The following MUC6 variants were observed in gnomAD, a reference collection of about 807,000 sequenced individuals.
MUC6 encodes the protein mucin-6.
In MUC6, 188 loss-of-function variants were observed where a neutral mutation model predicts 201.5. The ratio of observed to expected loss-of-function variants is 0.93; its 90% CI spans 0.83 to 1.05. MUC6 has a LOEUF of 1.05. MUC6 is among the 50% of genes least tolerant of loss of function. MUC6 has a pLI of 0.00. For synonymous variants in MUC6, 1,228 were observed against 1,389.4 expected, an observed-to-expected ratio of 0.88 and a Z score of 2.58; for missense variants, 2,706 against 3,256.9, an observed-to-expected ratio of 0.83 and a Z score of 4.12.
At chr11:1,032,400 T>A (rs536918171) in intron 2 of MUC6, among the ~76,000 whole-genome samples, 1 of 151,620 alleles carries the variant, frequency 6.6e-6, no homozygotes, top group Non-Finnish European at 1.5e-5. Context: ...TGTAGGCGTG[T>A]GAGATATACA....
rs769262681 is a variant in MUC6 at position 1,023,960 on chromosome 11, G to C, written c.3369C>G (p.Thr1123=). 1 of 1,612,518 alleles carries C rather than the reference G, an allele frequency of 6.2e-7. No homozygotes were observed. The highest frequency in any genetic ancestry group is 2.2e-5 in the East Asian group (1 of 44,874). Residue 1123 remains threonine (T), a synonymous_variant, in exon 25 of 33, where the codon ACC becomes ACG. Coordinates refer to ENST00000421673, the MANE Select transcript of MUC6 (RefSeq NM_005961.3). The stretch of plus-strand genomic sequence containing the variant: ...GTGGTCACTCACGGCAGAAGGCCGG[G>C]GTCCTCCAGTCCACGCACACACCCT... ...LDKGVCVDWR[T]PAFCPIYCGF...
chr11:1,030,231 C>T lies in MUC6; in HGVS notation c.997G>A (p.Gly333Arg), dbSNP rs370422325. The T allele has an allele frequency of 4.9e-5, 76 of 1,551,806 alleles. No individual in the cohort carries two copies. The highest frequency in any genetic ancestry group is 6.5e-5 in the Non-Finnish European group (75 of 1,148,366). The change falls in exon 8 of 33, where the codon GGG becomes AGG. Residue 333 changes from glycine (G) to arginine (R), a missense_variant. Transcript: ENST00000421673. ...CCCTCACCTTCCGGGCAGAAGCACCCGAAGGTGCAGGAGCTGGAGCAGCTG... is the reference window on the plus strand; with the variant it reads ...CCCTCACCTTCCGGGCAGAAGCACCTGAAGGTGCAGGAGCTGGAGCAGCTG... The part of the protein sequence containing the change: ...QHSCSSSCTF[G>R]CFCPEGTVLN...
chr11:1,020,446 A>T (rs1308620364), intron 28 of MUC6, among the ~76,000 whole-genome samples, 189 bp from the exon 29 acceptor site: 2 of 152,082 alleles, frequency 1.3e-5, no homozygotes, highest in Non-Finnish European at 2.9e-5. Flanking sequence ...GGCGGGGGTC[A>T]CCTGTTGAGG....
Position 1,027,530 on chromosome 11 carries a change from CG to C in MUC6, c.1982-14del, listed in dbSNP as rs756956800. 1.9e-6 allele frequency: 3 copies of C among 1,611,400 alleles called. No individual in the cohort carries two copies. Among genetic ancestry groups the C allele is most frequent in the Non-Finnish European group, 2.5e-6 (3 of 1,179,174 alleles). ...GTGCAGGGGATGGCTGTGGGGGACCCGGGCATCAGACTCTCCGGGAGGGGGC... is the reference window on the plus strand; with the variant it reads ...GTGCAGGGGATGGCTGTGGGGGACCCGGCATCAGACTCTCCGGGAGGGGGC... On this transcript the variant is annotated splice_polypyrimidine_tract_variant and intron_variant, in intron 16 of 32. Transcript: ENST00000421673.
intron 26 of MUC6, among the ~76,000 whole-genome samples, chr11:1,022,748 T>G (rs879305112): frequency 1.2e-4 from 18 of 152,220 alleles, no homozygotes; most frequent in Admixed American, 1.2e-3. Flanking sequence ...GCTGAGTGAC[T>G]GTGTGTGTGA....
chr11:1,031,259 C>T lies in MUC6; in HGVS notation c.484G>A (p.Val162Ile), dbSNP rs1225135019. The change falls in exon 5 of 33, where the codon GTT becomes ATT. Residue 162 changes from valine to isoleucine, a missense_variant and splice_region_variant. By Grantham distance (29) the Val-to-Ile change is conservative (BLOSUM62 3). Coordinates refer to ENST00000421673, the MANE Select transcript of MUC6 (RefSeq NM_005961.3). ...VVWGPDSHLM[V>I]LVERKYMGQM... Reference sequence around the variant, plus strand: ...CCCATGTACTTCCGCTCCACCAGAACCTGCGGGAGACGGCTCTGCTGGGGG... The same window carrying T: ...CCCATGTACTTCCGCTCCACCAGAATCTGCGGGAGACGGCTCTGCTGGGGG... 6.4e-7 allele frequency: 1 copy of T among 1,565,182 alleles called. No individual in the cohort carries two copies. The highest frequency in any genetic ancestry group is 1.9e-5 in the Admixed American group (1 of 53,964).
intron 2 of MUC6, among the ~76,000 whole-genome samples, chr11:1,032,426 GGTGT>G (rs936879921): frequency 2.6e-5 from 4 of 152,022 alleles, no homozygotes; most frequent in Non-Finnish European, 4.4e-5. Flanking sequence ...ATGTGTGTTG[GGTGT>G]GTGTGATTGT....
Position 1,015,743 on chromosome 11 carries a change from CCA to C in MUC6, c.7039+17_7039+18del. The C allele has an allele frequency of 6.6e-7, 1 of 1,525,630 alleles. No individual in the cohort carries two copies. The highest frequency in any genetic ancestry group is 8.8e-7 in the Non-Finnish European group (1 of 1,136,024). 94.5% of individuals were successfully genotyped at this position (1,525,630 alleles called of 1,614,324 possible). A position where few individuals can be genotyped will look rare whatever the true frequency, so the allele number is the denominator to read the frequency against. On this transcript the variant is annotated intron_variant, in intron 31 of 32. Transcript: ENST00000421673. ...CACAGAGGTGAGGCCAGGAGAAGGG[CCA>C]CAGAGATGCCACTTACCGGGTGAGG...
intron 2 of MUC6, among the ~76,000 whole-genome samples, chr11:1,032,290 T>A (rs1857124694): frequency 6.6e-6 from 1 of 152,092 alleles, no homozygotes; most frequent in African/African-American, 2.4e-5. Flanking sequence ...GTGTGTTGTG[T>A]GTGTGCACGT....
At chr11:1,034,548 T>C (rs114246544) in intron 1 of MUC6, among the ~76,000 whole-genome samples, 6,461 of 152,058 alleles carry the variant, frequency 0.042, 453 homozygotes, top group African/African-American at 0.15. Flanking sequence ...GTTCCTGGGA[T>C]GGGGCCCTCG....
At position 1,036,606 on chromosome 11, in the gene MUC6, G is replaced by T; in HGVS notation, c.50C>A (p.Ala17Asp). The T allele has an allele frequency of 1.3e-6, 2 of 1,548,928 alleles. No individual in the cohort carries two copies. Among genetic ancestry groups the T allele is most frequent in the South Asian group, 1.2e-5 (1 of 83,996 alleles). The change falls in exon 1 of 33, where the codon GCT (alanine) becomes GAT (aspartate). Residue 17 changes from alanine (A) to aspartate (D), a missense_variant and splice_region_variant. By Grantham distance (126) the Ala-to-Asp change is moderately radical (BLOSUM62 -2). Transcript: ENST00000421673. The stretch of plus-strand genomic sequence containing the variant: ...TGGCGCCCCTCGACCTCACTCACCA[G>T]CGCTGAGCAGGGCTCCGCAGCAGGA... ...LLSCCGALLS[A>D]GLANTSYTSP...
rs772696328 is a variant in MUC6, at chr11:1,016,350, AG to A, written c.6450del (p.Ser2151LeufsTer25). On this transcript the variant is annotated frameshift_variant, in exon 31 of 33. Transcript: ENST00000421673. LOFTEE classifies it high-confidence loss of function. ...TVSSYVPSSH[S>X]SPQTSSPSVG... is the part of the protein sequence containing the mutation. ...ACAGAAGGCGATGAAGTCTGGGGAGAGGAGTGGGAGGAGGGCACATAAGAAG... is the reference window on the plus strand; with the variant it reads ...ACAGAAGGCGATGAAGTCTGGGGAGAGAGTGGGAGGAGGGCACATAAGAAG... 4 of 1,611,236 alleles carry A rather than the reference AG, an allele frequency of 2.5e-6. No homozygotes were observed. The African/African-American group carries it at 5.3e-5, about 22-fold the overall frequency.
Position 1,016,303 on chromosome 11 carries a change from C to T in MUC6, c.6498G>A (p.Val2166=). 6.2e-7 allele frequency: 1 copy of T among 1,611,502 alleles called. No homozygotes were observed. Among genetic ancestry groups the T allele is most frequent in the Non-Finnish European group, 8.5e-7 (1 of 1,179,046 alleles). Residue 2166 remains valine, a synonymous_variant, in exon 31 of 33, where the codon GTG becomes GTA. Coordinates refer to ENST00000421673, the MANE Select transcript of MUC6 (RefSeq NM_005961.3). Reference sequence around the variant, plus strand: ...GGGTTGTGGAGTGCACGGGGGCGGACACGAAAGAGGAAGATGTGCCAACAG... The same window carrying T: ...GGGTTGTGGAGTGCACGGGGGCGGATACGAAAGAGGAAGATGTGCCAACAG... ...SPSVGTSSSF[V]SAPVHSTTLS...
intron 28 of MUC6, 117 bp from the exon 29 acceptor site, chr11:1,020,374 C>T: frequency 7.5e-7 from 1 of 1,330,650 alleles, no homozygotes; most frequent in Non-Finnish European, 1.0e-6. Context: ...CAATGATGTG[C>T]AGTTGAGGGC....
rs755558141 is a variant in MUC6, at chr11:1,024,082, C to G, written c.3247G>C (p.Glu1083Gln). ...HSKVYHLPYYEACVRDACGCD... is the reference protein window; with the variant it reads ...HSKVYHLPYYQACVRDACGCD... ...CCACATGCGTCGCGCACGCAGGCCTCGTAGTAGGGCAGGTGGTATACCTGC... is the reference window on the plus strand; with the variant it reads ...CCACATGCGTCGCGCACGCAGGCCTGGTAGTAGGGCAGGTGGTATACCTGC... Residue 1083 changes from glutamate (E) to glutamine (Q), a missense_variant, in exon 25 of 33, where the codon GAG becomes CAG. Physicochemically the swap from Glu to Gln is conservative, Grantham distance 29. Around this residue, in one of 10 missense-constraint regions of MUC6, gnomAD observed 1,850 missense variants for 1,958.3 expected, o/e 0.94. Transcript: ENST00000421673. 1 of 1,612,880 alleles carries G rather than the reference C, an allele frequency of 6.2e-7. No homozygotes were observed. The highest frequency in any genetic ancestry group is 8.5e-7 in the Non-Finnish European group (1 of 1,179,762).
In MUC6 at chr11:1,028,033, TG is replaced by T. The variant is rs772571147; in HGVS notation, c.1779del (p.Met594CysfsTer3). 6.8e-5 allele frequency: 108 copies of T among 1,581,512 alleles called. No homozygotes were observed. The highest frequency in any genetic ancestry group is 2.0e-4 in the Admixed American group (11 of 55,986). The stretch of plus-strand genomic sequence containing the variant: ...AACACCGTGCCTGTCCTCAGCAGCA[TG>T]GAGCAGTGGGTCTCTGCACACACCT... ...LNKVCAETHC[S>X]MLLRTGTVFE... On this transcript the variant is annotated frameshift_variant, in exon 15 of 33. Coordinates refer to ENST00000421673, the MANE Select transcript of MUC6 (RefSeq NM_005961.3). LOFTEE classifies it high-confidence loss of function.
At chr11:1,031,340 G>T in intron 4 of MUC6, 81 bp from the exon 5 acceptor site, 1 of 1,355,218 alleles carries the variant, frequency 7.4e-7, no homozygotes, top group Non-Finnish European at 1.0e-6. Flanking sequence ...TCCTGCTCCT[G>T]GACCCAGAGC....
At chr11:1,020,899 A>T (rs893182040) in intron 27 of MUC6, among the ~76,000 whole-genome samples, 165 bp from the exon 28 acceptor site, 1 of 151,506 alleles carries the variant, frequency 6.6e-6, no homozygotes, top group African/African-American at 2.4e-5. Flanking sequence ...TCTCCTTCCC[A>T]GGATGATTCC....
chr11:1,027,399 A>G lies in MUC6; in HGVS notation c.2100T>C (p.Gly700=). The part of the protein sequence containing the change: ...ECHHSAVPVD[G]CNCPDGTYLN... ...GGTAGGTGCCATCGGGGCAGTTGCA[A>G]CCGTCCACGGGCACGGCGCTGTGGT... is the stretch of plus-strand genomic sequence containing the variant. Residue 700 remains glycine, a synonymous_variant, in exon 17 of 33, where the codon GGT becomes GGC. Transcript: ENST00000421673. 1.9e-6 allele frequency: 3 copies of G among 1,612,784 alleles called. No individual in the cohort carries two copies. Among genetic ancestry groups the G allele is most frequent in the Non-Finnish European group, 2.5e-6 (3 of 1,179,800 alleles).
Sources: gnomAD v4.1 joint callset for allele counts (sites outside exome capture counted in the v4.1 genomes callset) on GRCh38, gnomAD v4.1.1 for gene constraint, gnomAD v4.1.1 regional missense constraint, MANE v1.5 for transcripts, NCBI Gene and HGNC (gene_info 2026-07-23, HGNC 2026-07-21) for gene names.